The following ODAD2 variants were observed in gnomAD, a reference collection of about 807,000 sequenced individuals.
The protein encoded by ODAD2 is outer dynein arm docking complex subunit 2, also known as outer dynein arm-docking complex subunit 2.
ODAD2 carries 89 observed loss-of-function variants against 106.8 expected under a neutral mutation model. The observed-to-expected ratio is 0.83, with a 90% CI of 0.70 to 0.99. ODAD2 has a LOEUF of 0.99. Among genes scored for constraint, ODAD2 ranks in the 50% least tolerant of loss-of-function variants. The pLI, the probability that ODAD2 is intolerant of heterozygous loss-of-function variation, is 0.00. For synonymous variants in ODAD2, 404 were observed against 436.2 expected, an observed-to-expected ratio of 0.93 and a Z score of 0.92; for missense variants, 1,168 against 1,238.5, an observed-to-expected ratio of 0.94 and a Z score of 0.85.
At chr10:27,925,696 TATG>T (rs1845205834) in intron 16 of ODAD2, among the ~76,000 whole-genome samples, 1 of 152,138 alleles carries the variant, frequency 6.6e-6, no homozygotes, top group Non-Finnish European at 1.5e-5. Flanking sequence ...ATAATTTTAA[TATG>T]ATAAAATACA....
At chr10:27,900,389 A>G (rs1026348751) in intron 17 of ODAD2, among the ~76,000 whole-genome samples, 4 of 152,236 alleles carry the variant, frequency 2.6e-5, no homozygotes, top group Admixed American at 2.0e-4. Flanking sequence ...TGAAAATTCC[A>G]AAAACCAGAA....
chr10:27,900,950 G>A (rs1460271058), intron 17 of ODAD2, among the ~76,000 whole-genome samples: 4 of 152,064 alleles, frequency 2.6e-5, no homozygotes, highest in African/African-American at 9.7e-5. Context: ...TTCAAATTCA[G>A]GAAATACAGA....
At chr10:27,821,654 G>A (rs1353205960) in intron 19 of ODAD2, among the ~76,000 whole-genome samples, 2 of 152,140 alleles carry the variant, frequency 1.3e-5, no homozygotes, top group Non-Finnish European at 2.9e-5. Flanking sequence ...GCAAGGTGAG[G>A]GCAGTTTCTA....
chr10:27,844,213 A>T (rs1382509134), intron 19 of ODAD2, among the ~76,000 whole-genome samples: 1 of 152,206 alleles, frequency 6.6e-6, no homozygotes, highest in Non-Finnish European at 1.5e-5. Context: ...AAAAAGAATA[A>T]TTGGCATAAA....
intron 19 of ODAD2, 90 bp from the exon 20 acceptor site, chr10:27,812,715 A>G: frequency 2.1e-6 from 3 of 1,438,104 alleles, no homozygotes; most frequent in Non-Finnish European, 2.7e-6. Context: ...AATTTTCAAT[A>G]GTAAATTTTT....
chr10:27,979,221 G>C (rs1588651842), intron 7 of ODAD2, among the ~76,000 whole-genome samples: 1 of 119,126 alleles, frequency 8.4e-6, no homozygotes, highest in East Asian at 2.4e-4. Flanking sequence ...GATGGAGTGA[G>C]ACTCCATCTC....
intron 10 of ODAD2, among the ~76,000 whole-genome samples, chr10:27,945,833 G>C (rs1452731909): frequency 6.6e-6 from 1 of 151,954 alleles, no homozygotes; most frequent in Non-Finnish European, 1.5e-5. Flanking sequence ...TCTGGCATCA[G>C]CACTAAAGTA....
chr10:27,897,383 C>T (rs1001454225), intron 17 of ODAD2, among the ~76,000 whole-genome samples: 2 of 152,196 alleles, frequency 1.3e-5, no homozygotes, highest in African/African-American at 4.8e-5. Context: ...ATCTTTTCCT[C>T]AGACGATGTT....
At chr10:27,983,706 C>T (rs1325738350) in intron 6 of ODAD2, 137 bp downstream of exon 6, 3 of 833,198 alleles carry the variant, frequency 3.6e-6, no homozygotes, top group Non-Finnish European at 5.4e-6. Context: ...GCCCAGCAAG[C>T]ATATATCAAA....
intron 9 of ODAD2, among the ~76,000 whole-genome samples, chr10:27,965,010 T>C (rs948104645): frequency 6.6e-6 from 1 of 152,140 alleles, no homozygotes; most frequent in African/African-American, 2.4e-5. Context: ...AGCAGCAGCT[T>C]GATGGACAGG....
chr10:27,982,379 G>A (rs1324499578), intron 6 of ODAD2, among the ~76,000 whole-genome samples: 1 of 152,004 alleles, frequency 6.6e-6, no homozygotes, highest in African/African-American at 2.4e-5. Context: ...TGCTAAATAA[G>A]TTATATGTAT....
intron 19 of ODAD2, among the ~76,000 whole-genome samples, chr10:27,820,268 C>A (rs1798211869): frequency 6.6e-6 from 1 of 152,028 alleles, no homozygotes. Context: ...TGACCTGATG[C>A]CTGTCAAAAT....
At chr10:27,832,271 AAT>A (rs1837534064) in intron 19 of ODAD2, among the ~76,000 whole-genome samples, 1 of 152,162 alleles carries the variant, frequency 6.6e-6, no homozygotes, top group South Asian at 2.1e-4. Context: ...GCCTGGACAC[AAT>A]GTCTCTGGGT....
chr10:27,888,627 C>T (rs1381238714), intron 17 of ODAD2, among the ~76,000 whole-genome samples: 1 of 151,822 alleles, frequency 6.6e-6, no homozygotes, highest in Non-Finnish European at 1.5e-5. Context: ...CTATTTATTC[C>T]GTTAATTATT....
At chr10:27,821,641 G>A (rs987896383) in intron 19 of ODAD2, among the ~76,000 whole-genome samples, 1 of 152,148 alleles carries the variant, frequency 6.6e-6, no homozygotes, top group South Asian at 2.1e-4. Context: ...ACTAACACAC[G>A]GAGCAAGGTG....
intron 16 of ODAD2, among the ~76,000 whole-genome samples, chr10:27,924,988 G>GAAA (rs34887332): frequency 9.4e-5 from 12 of 127,860 alleles, no homozygotes; most frequent in Non-Finnish European, 1.5e-4. Flanking sequence ...TATTTAAAAT[G>GAAA]AAAAAAAAAA....
intron 19 of ODAD2, among the ~76,000 whole-genome samples, chr10:27,819,140 T>C (rs1218204121): frequency 6.6e-6 from 1 of 152,162 alleles, no homozygotes; most frequent in African/African-American, 2.4e-5. Context: ...TGTCTGATGA[T>C]TCCCCCAGCC....
In ODAD2 at chr10:27,993,974, A is replaced by ATATATGTGTGTGTG. The variant is rs369833558; in HGVS notation, c.224+944_224+945insCACACACACATATA. ...GAGGCTGGCAAATATATATATATAT[A>ATATATGTGTGTGTG]TGTGTGTGTGTGTGTGTGTGTGTGT... On this transcript the variant is annotated intron_variant, in intron 2 of 19. Transcript: ENST00000305242. Among the ~76,000 whole-genome samples, 142 of 140,610 alleles carry ATATATGTGTGTGTG rather than the reference A, an allele frequency of 1.0e-3. 1 individual carries two copies. The highest frequency in any genetic ancestry group is 3.6e-3 in the Middle Eastern group (1 of 278). 92.2% of individuals were successfully genotyped at this position (140,610 alleles called of 152,430 possible).
intron 16 of ODAD2, among the ~76,000 whole-genome samples, chr10:27,930,849 C>G (rs970861584): frequency 6.6e-6 from 1 of 152,134 alleles, no homozygotes; most frequent in African/African-American, 2.4e-5. Flanking sequence ...TTTGAGCATT[C>G]AAACAGTCAA....
Sources: gnomAD v4.1 joint callset for allele counts (sites outside exome capture counted in the v4.1 genomes callset) on GRCh38, gnomAD v4.1.1 for gene constraint, MANE v1.5 for transcripts, NCBI Gene and HGNC (gene_info 2026-07-23, HGNC 2026-07-21) for gene names.